The following EFCAB11 variants were observed in gnomAD, a reference collection of about 807,000 sequenced individuals.
EFCAB11 encodes EF-hand calcium-binding domain-containing protein 11.
In EFCAB11, 14 loss-of-function variants were observed where a neutral mutation model predicts 23.0. The ratio of observed to expected loss-of-function variants is 0.61; its 90% CI spans 0.40 to 0.95. The LOEUF is 0.95. Among genes scored for constraint, EFCAB11 ranks in the 40% least tolerant of loss-of-function variants. The pLI, the probability that EFCAB11 is intolerant of heterozygous loss-of-function variation, is 0.00. For synonymous variants in EFCAB11, 65 were observed against 66.6 expected, an observed-to-expected ratio of 0.98 and a Z score of 0.11; for missense variants, 198 against 195.8, an observed-to-expected ratio of 1.01 and a Z score of -0.07.
intron 2 of EFCAB11, chr14:89,952,464 A>C: frequency 1.0e-6 from 1 of 985,404 alleles, no homozygotes; most frequent in East Asian, 1.1e-4. Flanking sequence ...TGTAATTCCA[A>C]CTGAAATGAT....
Position 89,902,476 on chromosome 14 carries a change from C to G in EFCAB11, c.410+29065G>C, listed in dbSNP as rs180973681. 2.0e-3 allele frequency among the ~76,000 whole-genome samples: 308 copies of G among 152,194 alleles called. 1 individual carries two copies. Among genetic ancestry groups the G allele is most frequent in the African/African-American group, 7.0e-3 (292 of 41,512 alleles). On this transcript the variant is annotated intron_variant, in intron 5 of 5. Transcript: ENST00000316738. ...TCTATTCTCAGCATCCAGAATGGCC[C>G]CTGGTGTACAGAAGGTGCTCCAATA...
At chr14:89,914,963 T>G (rs1889790926) in intron 5 of EFCAB11, among the ~76,000 whole-genome samples, 1 of 151,932 alleles carries the variant, frequency 6.6e-6, no homozygotes. Context: ...TAAACAAACC[T>G]AGCCGCCCCC....
At chr14:89,812,555 G>C (rs1366892452) in intron 5 of EFCAB11, among the ~76,000 whole-genome samples, 1 of 152,178 alleles carries the variant, frequency 6.6e-6, no homozygotes, top group Non-Finnish European at 1.5e-5. Flanking sequence ...TCAGAACTAG[G>C]GGCGGAAAGG....
Position 89,795,880 on chromosome 14 carries a change from G to C in EFCAB11, c.*1363C>G, listed in dbSNP as rs1885562070. 6.6e-6 allele frequency: 1 copy of C among 152,090 alleles called. No homozygotes were observed. Among genetic ancestry groups the C allele is most frequent in the South Asian group, 2.1e-4 (1 of 4,818 alleles). 9.4% of individuals were successfully genotyped at this position (152,090 alleles called of 1,614,324 possible). On this transcript the variant is annotated 3_prime_UTR_variant, in exon 6 of 6. Coordinates refer to ENST00000316738, the MANE Select transcript of EFCAB11 (RefSeq NM_145231.4). ...TAAGAGTACTGATACCAGTATTTTG[G>C]AATTACCTTCACTAAATGCTGAGTG...
At chr14:89,919,305 G>C (rs1311497232) in intron 5 of EFCAB11, among the ~76,000 whole-genome samples, 2 of 152,200 alleles carry the variant, frequency 1.3e-5, no homozygotes. Context: ...GTAAGCTTCA[G>C]ATCTCAGATC....
At chr14:89,912,191 G>A (rs1030787880) in intron 5 of EFCAB11, among the ~76,000 whole-genome samples, 1 of 151,906 alleles carries the variant, frequency 6.6e-6, no homozygotes, top group African/African-American at 2.4e-5. Context: ...AGGTAAAATG[G>A]TTTCATTGAA....
intron 5 of EFCAB11, among the ~76,000 whole-genome samples, chr14:89,815,045 CTG>C (rs1297953747): frequency 6.6e-6 from 1 of 152,186 alleles, no homozygotes; most frequent in Non-Finnish European, 1.5e-5. Context: ...ATGGGATAAA[CTG>C]TAGGATTAGG....
Position 89,856,190 on chromosome 14 carries a change from CTCTT to C in EFCAB11, c.411-58870_411-58867del, listed in dbSNP as rs948296223. Among the ~76,000 whole-genome samples, 17 of 78,966 alleles carry C rather than the reference CTCTT, an allele frequency of 2.2e-4. No individual in the cohort carries two copies. In the East Asian group the frequency reaches 2.6e-3, roughly 12 times the overall value. 51.8% of individuals were successfully genotyped at this position (78,966 alleles called of 152,430 possible). A position where few individuals can be genotyped will look rare whatever the true frequency, so the allele number is the denominator to read the frequency against. On this transcript the variant is annotated intron_variant, in intron 5 of 5. Coordinates refer to ENST00000316738, the MANE Select transcript of EFCAB11 (RefSeq NM_145231.4). ...TTCTATTTTTAATTTCTCTCTCTCTCTCTTTTTTTTTTTTTTGAGACAAGATCTT... is the reference window on the plus strand; with the variant it reads ...TTCTATTTTTAATTTCTCTCTCTCTCTTTTTTTTTTTTGAGACAAGATCTT...
intron 5 of EFCAB11, among the ~76,000 whole-genome samples, chr14:89,908,953 T>G (rs1459379374): frequency 6.6e-6 from 1 of 152,132 alleles, no homozygotes; most frequent in Non-Finnish European, 1.5e-5. Context: ...GGAGCCAAGA[T>G]AGTAGGCAAA....
intron 5 of EFCAB11, among the ~76,000 whole-genome samples, chr14:89,881,450 G>T (rs1203679324): frequency 2.1e-4 from 3 of 14,550 alleles, no homozygotes; most frequent in East Asian, 1.3e-3. Context: ...TTTATGACTT[G>T]GCATATATAT....
At chr14:89,804,255 T>A (rs1261128193) in intron 5 of EFCAB11, among the ~76,000 whole-genome samples, 1 of 152,198 alleles carries the variant, frequency 6.6e-6, no homozygotes, top group Non-Finnish European at 1.5e-5. Context: ...CAGTTTACAC[T>A]CCAGCTCACT....
chr14:89,846,850 A>C (rs1034268631), intron 5 of EFCAB11, among the ~76,000 whole-genome samples: 5 of 152,114 alleles, frequency 3.3e-5, no homozygotes, highest in African/African-American at 9.7e-5. Context: ...CCCAACCTAA[A>C]AAGCCCAATC....
intron 5 of EFCAB11, among the ~76,000 whole-genome samples, chr14:89,912,151 A>G (rs1889700560): frequency 6.6e-6 from 1 of 152,252 alleles, no homozygotes; most frequent in South Asian, 2.1e-4. Context: ...TTGGTATGCT[A>G]TAGACTATGA....
In EFCAB11 at chr14:89,834,403, A is replaced by AAAAAAAAAC. The variant is rs67216494; in HGVS notation, c.411-37080_411-37079insGTTTTTTTT. Among the ~76,000 whole-genome samples, 82 of 101,422 alleles carry AAAAAAAAAC rather than the reference A, an allele frequency of 8.1e-4. 11 individuals are homozygous for AAAAAAAAAC. Among genetic ancestry groups the AAAAAAAAAC allele is most frequent in the Admixed American group, 5.9e-4 (5 of 8,474 alleles). 66.5% of individuals were successfully genotyped at this position (101,422 alleles called of 152,430 possible). ...AAAAAAAAAAAAAAAAAAAAAAAAA[A>AAAAAAAAAC]CCTTTTTGTTTAAACTTCTAAAGAT... On this transcript the variant is annotated intron_variant, in intron 5 of 5. Transcript: ENST00000316738.
At chr14:89,893,584 C>G (rs1350440736) in intron 5 of EFCAB11, among the ~76,000 whole-genome samples, 1 of 152,028 alleles carries the variant, frequency 6.6e-6, no homozygotes, top group Non-Finnish European at 1.5e-5. Flanking sequence ...CCTTAAAGGC[C>G]TTTCCCTCTT....
At chr14:89,946,698 T>TA (rs1890997275) in intron 3 of EFCAB11, among the ~76,000 whole-genome samples, 1 of 151,256 alleles carries the variant, frequency 6.6e-6, no homozygotes, top group African/African-American at 2.4e-5. Context: ...GCCTCCCAGG[T>TA]AGCTAAGATT....
intron 5 of EFCAB11, among the ~76,000 whole-genome samples, chr14:89,856,279 C>T (rs1192989078): frequency 6.6e-6 from 1 of 151,236 alleles, no homozygotes; most frequent in African/African-American, 2.4e-5. Context: ...CCCTCTGCCT[C>T]CCAGGTTTGG....
intron 5 of EFCAB11, among the ~76,000 whole-genome samples, chr14:89,930,773 A>AT (rs1311892327): frequency 6.6e-6 from 1 of 152,146 alleles, no homozygotes; most frequent in East Asian, 1.9e-4. Flanking sequence ...ATGAATTTCT[A>AT]TATTTTTTGA....
chr14:89,898,271 A>T (rs1210840775), intron 5 of EFCAB11, among the ~76,000 whole-genome samples: 2 of 152,140 alleles, frequency 1.3e-5, no homozygotes, highest in African/African-American at 4.8e-5. Flanking sequence ...GGCTCTTTTT[A>T]TGGTGAAAAT....
Sources: allele counts gnomAD v4.1 joint callset (sites outside exome capture counted in the v4.1 genomes callset), GRCh38; gene constraint gnomAD v4.1.1; transcripts MANE v1.5; gene names NCBI Gene and HGNC (gene_info 2026-07-23, HGNC 2026-07-21).